The following TOM1L1 variants were observed in gnomAD, a reference collection of about 807,000 sequenced individuals.
TOM1L1 encodes the protein target of myb1 like 1 membrane trafficking protein, also known as TOM1-like protein 1.
In TOM1L1, 64 loss-of-function variants were observed where a neutral mutation model predicts 63.4. The ratio of observed to expected loss-of-function variants is 1.01; its 90% CI spans 0.83 to 1.24. The LOEUF is 1.24. Ranked by LOEUF, TOM1L1 falls within the 50% of genes most tolerant of loss-of-function variation. The pLI, the probability that TOM1L1 is intolerant of heterozygous loss-of-function variation, is 0.00. For synonymous variants in TOM1L1, 166 were observed against 194.4 expected (o/e 0.85, Z 1.22); for missense variants, 536 against 567.0 (o/e 0.95, Z 0.55).
intron 11 of TOM1L1, among the ~76,000 whole-genome samples, chr17:54,943,479 T>TGTGTGA (rs748237003): frequency 4.9e-4 from 74 of 150,324 alleles, no homozygotes; most frequent in African/African-American, 1.6e-3. Context: ...TGTGTGTGTG[T>TGTGTGA]GAAATAAAGT....
At chr17:54,920,186 G>A (rs988595652) in intron 7 of TOM1L1, among the ~76,000 whole-genome samples, 6 of 152,192 alleles carry the variant, frequency 3.9e-5, no homozygotes, top group African/African-American at 1.2e-4. Context: ...GGCTTTTGGA[G>A]GCTTCAGCAT....
chr17:54,912,744 T>A lies in TOM1L1; in HGVS notation c.301T>A (p.Leu101Ile). ...GAAGAAGGAATTTGTTAAAGAGAAT[T>A]TAGTTAAGCTACTGAATCCCAGATA... The part of the protein sequence containing the change: ...IVKKEFVKEN[L>I]VKLLNPRYNL... Residue 101 changes from leucine (L) to isoleucine (I), a missense_variant, in exon 4 of 16, where the codon TTA (leucine) becomes ATA (isoleucine). Leu to Ile is a conservative substitution (Grantham distance 5). Coordinates refer to ENST00000575882, the MANE Select transcript of TOM1L1 (RefSeq NM_005486.3). The A allele has an allele frequency of 6.2e-7, 1 of 1,611,992 alleles. No homozygotes were observed. Among genetic ancestry groups the A allele is most frequent in the Non-Finnish European group, 8.5e-7 (1 of 1,179,356 alleles).
intron 11 of TOM1L1, among the ~76,000 whole-genome samples, chr17:54,943,653 G>A (rs1341847060): frequency 6.6e-6 from 1 of 151,830 alleles, no homozygotes; most frequent in Non-Finnish European, 1.5e-5. Context: ...TTATTTTTCA[G>A]TCTACCTAAA....
chr17:54,921,198 T>C (rs2048677948), intron 7 of TOM1L1, among the ~76,000 whole-genome samples: 1 of 152,182 alleles, frequency 6.6e-6, no homozygotes, highest in African/African-American at 2.4e-5. Context: ...TTAGATCTTA[T>C]TTGGTTTTGA....
intron 3 of TOM1L1, among the ~76,000 whole-genome samples, chr17:54,909,296 C>T (rs1437268926): frequency 6.6e-6 from 1 of 152,098 alleles, no homozygotes; most frequent in Non-Finnish European, 1.5e-5. Flanking sequence ...TGTGGTTGTC[C>T]CCCCAGGAGC....
intron 1 of TOM1L1, among the ~76,000 whole-genome samples, chr17:54,903,099 C>T (rs546730506): frequency 3.5e-4 from 53 of 152,280 alleles, no homozygotes; most frequent in Admixed American, 5.2e-4. Context: ...GGACAATAAA[C>T]GTATTACTTT....
intron 6 of TOM1L1, among the ~76,000 whole-genome samples, chr17:54,915,074 CAG>C (rs1567823712): frequency 6.6e-6 from 1 of 152,170 alleles, no homozygotes; most frequent in Non-Finnish European, 1.5e-5. Flanking sequence ...TCACATATTT[CAG>C]AGAGTTTAGT....
At position 54,938,957 on chromosome 17, in the gene TOM1L1, A is replaced by T; in HGVS notation, c.1067A>T (p.Asn356Ile). Residue 356 changes from asparagine to isoleucine, a missense_variant, in exon 11 of 16, where the codon AAC (asparagine) becomes ATC (isoleucine). By Grantham distance (149) the Asn-to-Ile change is moderately radical (BLOSUM62 -3). Transcript: ENST00000575882. ...FSLPSSDVTNNLKPSLHPQMN... is the reference protein window; with the variant it reads ...FSLPSSDVTNILKPSLHPQMN... ...CTTCCAAGTTCTGATGTAACAAACA[A>T]CTTAAAACCCAGTCTTCATCCACAG... The T allele has an allele frequency of 6.2e-7, 1 of 1,612,450 alleles. No individual in the cohort carries two copies. The highest frequency in any genetic ancestry group is 1.3e-5 in the African/African-American group (1 of 74,954).
At position 54,948,059 on chromosome 17, in the gene TOM1L1, G is replaced by A. The variant is rs9906449; in HGVS notation, c.1182+747G>A. Among the ~76,000 whole-genome samples, 363 of 152,156 alleles carry A rather than the reference G, an allele frequency of 2.4e-3. 1 individual carries two copies. The highest frequency in any genetic ancestry group is 8.2e-3 in the African/African-American group (341 of 41,516). On this transcript the variant is annotated intron_variant, in intron 12 of 15. Transcript: ENST00000575882. ...TAGGTCAAAAACCTTGGGTAATAGC[G>A]CTTGACATCCACCTTTTTACTTTTA...
chr17:54,913,722 G>T, intron 4 of TOM1L1, 26 bp from the exon 5 acceptor site: 1 of 1,579,176 alleles, frequency 6.3e-7, no homozygotes, highest in Non-Finnish European at 8.6e-7. Context: ...TTTAACTCTG[G>T]AACTTTTTTC....
intron 14 of TOM1L1, chr17:54,953,427 G>A (rs1157373924): frequency 6.6e-6 from 1 of 152,360 alleles, no homozygotes; most frequent in Admixed American, 6.5e-5. Context: ...GGGCTCCTTG[G>A]GGGAGATGTG....
Position 54,905,508 on chromosome 17 carries a change from G to A in TOM1L1, c.163G>A (p.Ala55Thr). ...TQDGPKDAVK[A>T]LKKRISKNYN... ...CTATAGGCCAAAAGATGCAGTGAAA[G>A]CTTTGAAGAAAAGGATTTCCAAAAA... Residue 55 changes from alanine (A) to threonine (T), a missense_variant, in exon 3 of 16, where the codon GCT becomes ACT. Coordinates refer to ENST00000575882, the MANE Select transcript of TOM1L1 (RefSeq NM_005486.3). The A allele has an allele frequency of 6.2e-7, 1 of 1,612,276 alleles. No individual in the cohort carries two copies. Among genetic ancestry groups the A allele is most frequent in the East Asian group, 2.2e-5 (1 of 44,812 alleles).
At chr17:54,915,625 T>G (rs968057329) in intron 6 of TOM1L1, 121 bp from the exon 7 acceptor site, 2 of 555,832 alleles carry the variant, frequency 3.6e-6, no homozygotes, top group African/African-American at 3.9e-5. Context: ...TAAATTTAAG[T>G]TTGAAAATAT....
chr17:54,901,123 C>G, intron 1 of TOM1L1, 200 bp downstream of exon 1: 1 of 679,686 alleles, frequency 1.5e-6, no homozygotes, highest in Non-Finnish European at 2.5e-6. Context: ...CACTGTAGAA[C>G]CTCAGTCCTC....
chr17:54,914,003 T>C, intron 5 of TOM1L1, 130 bp downstream of exon 5: 3 of 667,492 alleles, frequency 4.5e-6, no homozygotes, highest in Non-Finnish European at 6.8e-6. Flanking sequence ...GATATTGCAA[T>C]ATCTCATAGA....
In TOM1L1 at chr17:54,933,831, C is replaced by T. The variant is rs1184748766; in HGVS notation, c.855-2818C>T. On this transcript the variant is annotated intron_variant, in intron 8 of 15. Transcript: ENST00000575882. ...CTACCACACCTGGCCATCCACAGCT[C>T]GGTTTTATACATTTTCGGGAGATAT... Among the ~76,000 whole-genome samples, 8 of 152,112 alleles carry T rather than the reference C, an allele frequency of 5.3e-5. No homozygotes were observed. In the East Asian group the frequency reaches 7.7e-4, roughly 15 times the overall value.
intron 8 of TOM1L1, among the ~76,000 whole-genome samples, chr17:54,934,231 G>A (rs2048911107): frequency 6.6e-6 from 1 of 152,158 alleles, no homozygotes; most frequent in Non-Finnish European, 1.5e-5. Context: ...TTTCTCTTAG[G>A]CAAATTGTGG....
intron 14 of TOM1L1, among the ~76,000 whole-genome samples, chr17:54,958,873 G>A (rs927738569): frequency 6.6e-6 from 1 of 152,136 alleles, no homozygotes; most frequent in African/African-American, 2.4e-5. Flanking sequence ...TTGAAGAATA[G>A]GATCTGGCAT....
intron 12 of TOM1L1, among the ~76,000 whole-genome samples, chr17:54,948,263 AC>A (rs1371326559): frequency 5.3e-5 from 8 of 152,068 alleles, no homozygotes; most frequent in Admixed American, 2.6e-4. Context: ...TGTTCTCAAA[AC>A]AAAAACAGGG....
Sources: allele counts gnomAD v4.1 joint callset (sites outside exome capture counted in the v4.1 genomes callset), GRCh38; gene constraint gnomAD v4.1.1; transcripts MANE v1.5; gene names NCBI Gene and HGNC (gene_info 2026-07-23, HGNC 2026-07-21).